The following DLGAP1 variants were observed in gnomAD, a reference collection of about 807,000 sequenced individuals.
DLGAP1 encodes disks large-associated protein 1.
In DLGAP1, 11 loss-of-function variants were observed where a neutral mutation model predicts 90.8. The observed-to-expected ratio is 0.12, with a 90% CI of 0.08 to 0.20. The LOEUF is 0.20. Among genes scored for constraint, DLGAP1 ranks in the 10% least tolerant of loss-of-function variants. The pLI is 1.00. For synonymous variants in DLGAP1, 558 were observed against 540.7 expected, an observed-to-expected ratio of 1.03 and a Z score of -0.44; for missense variants, 1,050 against 1,333.8, an observed-to-expected ratio of 0.79 and a Z score of 3.31.
At chr18:3,863,062 A>G (rs1167886967) in intron 4 of DLGAP1, among the ~76,000 whole-genome samples, 1 of 152,270 alleles carries the variant, frequency 6.6e-6, no homozygotes, top group Non-Finnish European at 1.5e-5. Context: ...ACTTTCTGTG[A>G]TGACGGAAAT....
chr18:3,497,517 C>T lies in DLGAP1; in HGVS notation c.*1668G>A, dbSNP rs142172904. 3.9e-4 allele frequency: 60 copies of T among 152,274 alleles called. No homozygotes were observed. Among genetic ancestry groups the T allele is most frequent in the African/African-American group, 1.4e-3 (58 of 41,538 alleles). 9.4% of individuals were successfully genotyped at this position (152,274 alleles called of 1,614,324 possible). A position where few individuals can be genotyped will look rare whatever the true frequency, so the allele number is the denominator to read the frequency against. On this transcript the variant is annotated 3_prime_UTR_variant, in exon 13 of 13. Transcript: ENST00000315677. ...AAATATCTGTTGCTAGAACCCATCA[C>T]CTCTCTTAATTTCATAAGTAAAATT...
chr18:4,362,568 C>A (rs886500807), intron 1 of DLGAP1, among the ~76,000 whole-genome samples: 18 of 151,978 alleles, frequency 1.2e-4, no homozygotes, highest in African/African-American at 4.4e-4. Flanking sequence ...AGTCCAGGGG[C>A]TGGGAAGATG....
intron 4 of DLGAP1, among the ~76,000 whole-genome samples, chr18:3,814,840 A>T (rs954728764): frequency 1.3e-5 from 2 of 152,212 alleles, no homozygotes; most frequent in Non-Finnish European, 2.9e-5. Flanking sequence ...AATAAGACCA[A>T]GTATTTTCTT....
chr18:3,818,925 G>A (rs889998316), intron 4 of DLGAP1, among the ~76,000 whole-genome samples: 2 of 151,778 alleles, frequency 1.3e-5, no homozygotes, highest in Admixed American at 6.6e-5. Flanking sequence ...TTGAAATGAT[G>A]TCACTGCACT....
chr18:3,592,510 C>T (rs1255446182), intron 7 of DLGAP1, among the ~76,000 whole-genome samples: 1 of 152,176 alleles, frequency 6.6e-6, no homozygotes, highest in African/African-American at 2.4e-5. Flanking sequence ...AGAGCAAATC[C>T]TTACTCTGTG....
At chr18:3,855,663 G>C (rs1032017115) in intron 4 of DLGAP1, among the ~76,000 whole-genome samples, 4 of 151,978 alleles carry the variant, frequency 2.6e-5, no homozygotes, top group African/African-American at 4.8e-5. Context: ...ATCCAGGCTG[G>C]AGTGTAATGG....
At chr18:3,934,009 G>C (rs965805002) in intron 3 of DLGAP1, among the ~76,000 whole-genome samples, 29 of 152,284 alleles carry the variant, frequency 1.9e-4, no homozygotes, top group Non-Finnish European at 3.1e-4. Context: ...ATGGATTTGA[G>C]CCTCTGCCAC....
At chr18:3,826,833 C>T (rs1278584401) in intron 4 of DLGAP1, among the ~76,000 whole-genome samples, 2 of 152,108 alleles carry the variant, frequency 1.3e-5, no homozygotes, top group African/African-American at 2.4e-5. Flanking sequence ...ATCAGAGACC[C>T]TTGGAGGCTC....
rs576549809 is a variant in DLGAP1, at chr18:4,195,073, GA to G, written c.-266-43787del. Among the ~76,000 whole-genome samples, 270 of 151,812 alleles carry G rather than the reference GA, an allele frequency of 1.8e-3. 1 individual carries two copies. Among genetic ancestry groups the G allele is most frequent in the African/African-American group, 6.2e-3 (257 of 41,436 alleles). ...TTGTAACTTACAAATATCATTTGAA[GA>G]AAAAAAACCCAAATACCAAAATATT... On this transcript the variant is annotated intron_variant, in intron 1 of 12. Transcript: ENST00000315677.
At chr18:4,430,146 G>A (rs1200139798) in intron 1 of DLGAP1, among the ~76,000 whole-genome samples, 3 of 152,188 alleles carry the variant, frequency 2.0e-5, no homozygotes, top group Admixed American at 6.5e-5. Flanking sequence ...GAGAGCACAT[G>A]GGGTATTTCA....
intron 1 of DLGAP1, among the ~76,000 whole-genome samples, chr18:4,224,500 C>T (rs1480294301): frequency 2.0e-5 from 3 of 152,138 alleles, no homozygotes; most frequent in Non-Finnish European, 4.4e-5. Flanking sequence ...GGCCTGACCA[C>T]ATTTGCCATA....
rs201018686 is a variant in DLGAP1 at position 3,670,405 on chromosome 18, CT to C, written c.1591+58729del. On this transcript the variant is annotated intron_variant, in intron 7 of 12. Coordinates refer to ENST00000315677, the MANE Select transcript of DLGAP1 (RefSeq NM_004746.4). ...TCACCAATGAACACTTTTTGACTTC[CT>C]GGGAATTTCTCTGCATTACAAGCAA... Among the ~76,000 whole-genome samples the C allele has an allele frequency of 6.9e-3, 1,050 of 152,214 alleles. 10 individuals are homozygous for C. Among genetic ancestry groups the C allele is most frequent in the African/African-American group, 0.024 (1,009 of 41,528 alleles).
At chr18:3,831,009 C>G (rs1303897188) in intron 4 of DLGAP1, among the ~76,000 whole-genome samples, 1 of 152,184 alleles carries the variant, frequency 6.6e-6, no homozygotes. Context: ...CTACCAAGGG[C>G]AGGGAAGAAA....
At chr18:4,004,413 C>A (rs1161279358) in intron 3 of DLGAP1, among the ~76,000 whole-genome samples, 2 of 152,148 alleles carry the variant, frequency 1.3e-5, no homozygotes, top group African/African-American at 4.8e-5. Flanking sequence ...GTCCCTTCTT[C>A]CCCCTTCCCT....
chr18:4,421,043 C>G (rs1267919973), intron 1 of DLGAP1, among the ~76,000 whole-genome samples: 1 of 152,170 alleles, frequency 6.6e-6, no homozygotes, highest in African/African-American at 2.4e-5. Context: ...CTGTATAGCA[C>G]TGTATTAAAT....
At chr18:3,599,435 G>C (rs2056775919) in intron 7 of DLGAP1, among the ~76,000 whole-genome samples, 1 of 152,214 alleles carries the variant, frequency 6.6e-6, no homozygotes. Context: ...CCGAGGTCAA[G>C]TTTGGCTAGT....
intron 7 of DLGAP1, among the ~76,000 whole-genome samples, chr18:3,656,596 G>A (rs751951601): frequency 3.3e-5 from 5 of 152,076 alleles, no homozygotes; most frequent in Admixed American, 1.3e-4. Flanking sequence ...GGGGTGGTTG[G>A]GCCAGAGCCC....
intron 3 of DLGAP1, among the ~76,000 whole-genome samples, chr18:3,895,403 TC>T (rs1276248443): frequency 6.6e-6 from 1 of 151,982 alleles, no homozygotes; most frequent in Non-Finnish European, 1.5e-5. Context: ...CAAATCTACA[TC>T]CAGATACCTC....
chr18:3,632,304 CTTTTT>C (rs939022218), intron 7 of DLGAP1, among the ~76,000 whole-genome samples: 1 of 141,880 alleles, frequency 7.0e-6, no homozygotes, highest in Non-Finnish European at 1.5e-5. Context: ...TTTTTCTTTT[CTTTTT>C]TTTTTTTTGA....
Sources: gnomAD v4.1 joint callset for allele counts (sites outside exome capture counted in the v4.1 genomes callset) on GRCh38, gnomAD v4.1.1 for gene constraint, MANE v1.5 for transcripts, NCBI Gene and HGNC (gene_info 2026-07-23, HGNC 2026-07-21) for gene names.